Variants in APP observed in about 807,000 individuals in gnomAD.
APP encodes amyloid beta precursor protein.
In APP, 31 loss-of-function variants were observed where a neutral mutation model predicts 101.4. The ratio of observed to expected loss-of-function variants is 0.31; its 90% CI spans 0.23 to 0.41. APP has a LOEUF of 0.41. APP is among the 10% of genes least tolerant of loss of function. APP has a pLI of 1.00. For synonymous variants in APP, 366 were observed against 364.4 expected (o/e 1.00, Z -0.05); for missense variants, 839 against 1,003.7 (o/e 0.84, Z 2.22).
intron 8 of APP, among the ~76,000 whole-genome samples, chr21:25,986,778 G>A (rs899354655): frequency 6.6e-6 from 1 of 152,096 alleles, no homozygotes; most frequent in Non-Finnish European, 1.5e-5. Context: ...AATAAATAAA[G>A]GCTAGGATTT....
intron 14 of APP, 62 bp downstream of exon 14, chr21:25,911,679 A>G (rs2039076878): frequency 6.9e-7 from 1 of 1,443,150 alleles, no homozygotes; most frequent in African/African-American, 1.4e-5. Context: ...TCTCTTGCAC[A>G]CACGTTATGT....
rs761555484 is a variant in APP at position 25,911,693 on chromosome 21, T to C, written c.1909+48A>G. ...CTCTCTTGCACACACGTTATGTATGTGTATATATACCTCCCAGAACGCCCT... is the reference window on the plus strand; with the variant it reads ...CTCTCTTGCACACACGTTATGTATGCGTATATATACCTCCCAGAACGCCCT... On this transcript the variant is annotated intron_variant, in intron 14 of 17. Transcript: ENST00000346798. 1.4e-5 allele frequency: 22 copies of C among 1,525,876 alleles called. No homozygotes were observed. The Middle Eastern group carries it at 9.9e-4, about 69-fold the overall frequency. 94.5% of individuals were successfully genotyped at this position (1,525,876 alleles called of 1,614,324 possible).
At chr21:26,167,969 C>G (rs1007837199) in intron 1 of APP, among the ~76,000 whole-genome samples, 21 of 152,138 alleles carry the variant, frequency 1.4e-4, no homozygotes, top group Non-Finnish European at 2.5e-4. Context: ...CTACCTTTAG[C>G]GAGGTACTAG....
intron 13 of APP, among the ~76,000 whole-genome samples, chr21:25,937,455 T>C (rs534405020): frequency 6.6e-6 from 1 of 152,346 alleles, no homozygotes; most frequent in East Asian, 1.9e-4. Flanking sequence ...TCTGACAATC[T>C]TCCAAGACGA....
intron 8 of APP, 55 bp from the exon 9 acceptor site, chr21:25,982,532 A>C (rs2042474533): frequency 1.9e-6 from 3 of 1,550,946 alleles, no homozygotes; most frequent in Non-Finnish European, 2.7e-6. Context: ...ACAACAGAAT[A>C]ATCCACTCGT....
In APP at chr21:25,898,317, C is replaced by T. The variant is rs558549713; in HGVS notation, c.1964-644G>A. 2.6e-3 allele frequency among the ~76,000 whole-genome samples: 397 copies of T among 152,304 alleles called. 2 individuals are homozygous for T. Among genetic ancestry groups the T allele is most frequent in the African/African-American group, 9.0e-3 (373 of 41,562 alleles). On this transcript the variant is annotated intron_variant, in intron 15 of 17. Transcript: ENST00000346798. The stretch of plus-strand genomic sequence containing the variant: ...AGCAACTAACAGAATTTATAACCTA[C>T]GAACTCTTCCTTTTCTATAAATTGC...
At chr21:26,131,531 G>A (rs1262363202) in intron 1 of APP, among the ~76,000 whole-genome samples, 6 of 152,156 alleles carry the variant, frequency 3.9e-5, no homozygotes, top group Admixed American at 3.9e-4. Context: ...CAGTGTAATG[G>A]AGGCATGCTT....
intron 6 of APP, among the ~76,000 whole-genome samples, chr21:26,008,324 C>T (rs544802284): frequency 3.3e-4 from 51 of 152,320 alleles, no homozygotes; most frequent in African/African-American, 1.1e-3. Context: ...TGTGGTTTTT[C>T]CTCAACCTTT....
At chr21:25,952,228 T>TCACACACACACAC (rs2041117828) in intron 13 of APP, among the ~76,000 whole-genome samples, 1 of 98,600 alleles carries the variant, frequency 1.0e-5, no homozygotes, top group African/African-American at 4.5e-5. Flanking sequence ...ACACACACAT[T>TCACACACACACAC]AAGAGCACAT....
chr21:25,898,286 C>A (rs2038214374), intron 15 of APP, among the ~76,000 whole-genome samples: 1 of 152,246 alleles, frequency 6.6e-6, no homozygotes, highest in East Asian at 1.9e-4. Flanking sequence ...TTTAAAAATG[C>A]TTCTTAGCAA....
At chr21:25,909,266 CAAAAAAA>C (rs35504500) in intron 14 of APP, among the ~76,000 whole-genome samples, 29 of 76,204 alleles carry the variant, frequency 3.8e-4, no homozygotes, top group East Asian at 9.9e-4. Context: ...GACTCCGTCT[CAAAAAAA>C]AAAAAAAAAA....
At chr21:26,090,433 C>A (rs1410499876) in intron 2 of APP, among the ~76,000 whole-genome samples, 1 of 150,324 alleles carries the variant, frequency 6.7e-6, no homozygotes, top group Non-Finnish European at 1.5e-5. Context: ...GCCTGCTCTA[C>A]CTCTGACCAA....
Position 25,950,585 on chromosome 21 carries a change from T to C in APP, c.1687+4005A>G, listed in dbSNP as rs553094802. On this transcript the variant is annotated intron_variant, in intron 13 of 17. Coordinates refer to ENST00000346798, the MANE Select transcript of APP (RefSeq NM_000484.4). Reference sequence around the variant, plus strand: ...TTAGTAGAGATGGGGTTTCACCATGTTGGCCACGCTGGTCTTGAACTCCTG... The same window carrying C: ...TTAGTAGAGATGGGGTTTCACCATGCTGGCCACGCTGGTCTTGAACTCCTG... Among the ~76,000 whole-genome samples, 248 of 152,280 alleles carry C rather than the reference T, an allele frequency of 1.6e-3. 3 individuals carry two copies. Among genetic ancestry groups the C allele is most frequent in the African/African-American group, 5.6e-3 (233 of 41,542 alleles).
intron 2 of APP, among the ~76,000 whole-genome samples, chr21:26,108,147 C>A (rs1410255725): frequency 6.6e-6 from 1 of 152,104 alleles, no homozygotes; most frequent in Admixed American, 6.6e-5. Flanking sequence ...AGCACTGTTC[C>A]ACGGAAACAG....
At chr21:26,102,368 C>A (rs1356104022) in intron 2 of APP, among the ~76,000 whole-genome samples, 1 of 151,898 alleles carries the variant, frequency 6.6e-6, no homozygotes, top group Non-Finnish European at 1.5e-5. Flanking sequence ...GGATTACAGG[C>A]GTGAGCCACT....
chr21:26,059,332 G>A (rs1161355110), intron 3 of APP, among the ~76,000 whole-genome samples: 7 of 152,178 alleles, frequency 4.6e-5, no homozygotes, highest in Non-Finnish European at 1.0e-4. Flanking sequence ...ACTTCTGCCC[G>A]AGGTGTGCCC....
At chr21:26,134,837 G>A (rs2062862701) in intron 1 of APP, among the ~76,000 whole-genome samples, 2 of 152,178 alleles carry the variant, frequency 1.3e-5, no homozygotes, top group African/African-American at 4.8e-5. Context: ...GGAGCTAAAT[G>A]TCAGGAAACA....
intron 11 of APP, among the ~76,000 whole-genome samples, chr21:25,962,906 G>A (rs2041641091): frequency 1.3e-5 from 2 of 152,134 alleles, no homozygotes; most frequent in African/African-American, 4.8e-5. Flanking sequence ...TCCACCTCCT[G>A]GGTTCAAGCA....
At chr21:25,952,379 T>C (rs200097691) in intron 13 of APP, among the ~76,000 whole-genome samples, 11 of 1,232 alleles carry the variant, frequency 8.9e-3, no homozygotes, top group African/African-American at 0.03. Context: ...CTAATGGCTG[T>C]TTTTTTTTTT....
Sources: gnomAD v4.1 joint callset for allele counts (sites outside exome capture counted in the v4.1 genomes callset) on GRCh38, gnomAD v4.1.1 for gene constraint, MANE v1.5 for transcripts, NCBI Gene and HGNC (gene_info 2026-07-23, HGNC 2026-07-21) for gene names.